FHIT: variants seen among roughly 807,000 people sequenced by gnomAD.
FHIT encodes the protein fragile histidine triad diadenosine triphosphatase.
A neutral mutation model predicts 17.9 loss-of-function variants in FHIT; 19 were observed. The ratio of observed to expected loss-of-function variants is 1.06; its 90% CI spans 0.74 to 1.56. The LOEUF is 1.56. Among genes scored for constraint, FHIT ranks in the 40% most tolerant of loss-of-function variants. The pLI, the probability that FHIT is intolerant of heterozygous loss-of-function variation, is 0.00. For synonymous variants in FHIT, 81 were observed against 69.7 expected (o/e 1.16, Z -0.81); for missense variants, 248 against 189.2 (o/e 1.31, Z -1.82).
intron 8 of FHIT, among the ~76,000 whole-genome samples, chr3:59,870,150 T>A (rs1385974649): frequency 6.6e-6 from 1 of 152,160 alleles, no homozygotes; most frequent in African/African-American, 2.4e-5. Flanking sequence ...CACTACCAAA[T>A]GCCTTCTCCT....
intron 4 of FHIT, among the ~76,000 whole-genome samples, chr3:60,592,538 G>C (rs991372967): frequency 1.3e-5 from 2 of 152,066 alleles, no homozygotes; most frequent in African/African-American, 4.8e-5. Context: ...CCACCTCTGT[G>C]ATGGTTCTTA....
intron 3 of FHIT, among the ~76,000 whole-genome samples, chr3:61,006,134 C>T (rs914747569): frequency 5.9e-5 from 9 of 152,018 alleles, no homozygotes; most frequent in African/African-American, 9.7e-5. Flanking sequence ...GGTAAACATG[C>T]TGATGGCAAA....
intron 3 of FHIT, among the ~76,000 whole-genome samples, chr3:60,921,912 A>C (rs1252146677): frequency 6.6e-6 from 1 of 152,208 alleles, no homozygotes; most frequent in African/African-American, 2.4e-5. Flanking sequence ...TAGTAATTTA[A>C]TAATGTAGTC....
chr3:59,767,044 AAAC>A (rs1398107927), intron 8 of FHIT, among the ~76,000 whole-genome samples: 4 of 152,196 alleles, frequency 2.6e-5, no homozygotes, highest in African/African-American at 7.2e-5. Context: ...CCCAGATGCA[AAAC>A]AACCCCGATT....
chr3:60,909,282 T>C (rs924141423), intron 3 of FHIT, among the ~76,000 whole-genome samples: 1 of 150,378 alleles, frequency 6.6e-6, no homozygotes, highest in Non-Finnish European at 1.5e-5. Context: ...GGCAGGAGAA[T>C]CGCTTGAACC....
intron 5 of FHIT, among the ~76,000 whole-genome samples, chr3:60,233,363 C>T (rs1264420849): frequency 6.6e-6 from 1 of 152,092 alleles, no homozygotes; most frequent in African/African-American, 2.4e-5. Flanking sequence ...CCTTTGCCAC[C>T]ATAGGACCTT....
At chr3:59,782,639 G>A (rs911708173) in intron 8 of FHIT, among the ~76,000 whole-genome samples, 1 of 152,056 alleles carries the variant, frequency 6.6e-6, no homozygotes, top group African/African-American at 2.4e-5. Context: ...ATTCAGTTTC[G>A]TCCATTCTAT....
intron 8 of FHIT, among the ~76,000 whole-genome samples, chr3:59,850,316 A>T (rs536531770): frequency 1.3e-5 from 2 of 152,320 alleles, no homozygotes; most frequent in South Asian, 4.1e-4. Context: ...CTTTACCAAC[A>T]TCTACTTTAA....
chr3:60,361,443 G>A (rs1466226010), intron 5 of FHIT, among the ~76,000 whole-genome samples: 1 of 152,168 alleles, frequency 6.6e-6, no homozygotes, highest in Non-Finnish European at 1.5e-5. Flanking sequence ...ACCAACTGTA[G>A]AGGAGGTTGA....
chr3:60,709,905 G>T (rs1735464), intron 4 of FHIT, among the ~76,000 whole-genome samples: 145,873 of 152,156 alleles, frequency 0.96, 70,009 homozygotes, highest in East Asian at 1. Flanking sequence ...CATAATTATA[G>T]TTTGTCTTTC....
intron 2 of FHIT, among the ~76,000 whole-genome samples, chr3:61,086,380 TA>T (rs1175052691): frequency 6.6e-6 from 1 of 152,186 alleles, no homozygotes; most frequent in Non-Finnish European, 1.5e-5. Flanking sequence ...AACATTACCT[TA>T]CCACTCATAT....
intron 3 of FHIT, among the ~76,000 whole-genome samples, chr3:60,990,726 A>G (rs1157794384): frequency 1.3e-5 from 2 of 152,242 alleles, no homozygotes; most frequent in African/African-American, 4.8e-5. Context: ...TCTTCCACAC[A>G]TAAAATTAAT....
intron 2 of FHIT, among the ~76,000 whole-genome samples, chr3:61,198,913 T>C (rs968801437): frequency 2.0e-5 from 3 of 149,860 alleles, no homozygotes; most frequent in Non-Finnish European, 2.9e-5. Context: ...ATGATGATGA[T>C]GATGATGATG....
intron 4 of FHIT, among the ~76,000 whole-genome samples, chr3:60,569,321 T>G (rs1042687833): frequency 7.9e-5 from 12 of 152,166 alleles, no homozygotes; most frequent in African/African-American, 2.7e-4. Flanking sequence ...GACACTGGCG[T>G]GGTTTATTTC....
intron 3 of FHIT, among the ~76,000 whole-genome samples, chr3:60,856,169 A>T (rs181153112): frequency 1.1e-4 from 17 of 152,266 alleles, no homozygotes; most frequent in Non-Finnish European, 2.5e-4. Context: ...ATGGTAATGC[A>T]TTCGAGGCAG....
At chr3:61,041,374 T>TA (rs779424724) in intron 3 of FHIT, among the ~76,000 whole-genome samples, 186 of 138,740 alleles carry the variant, frequency 1.3e-3, no homozygotes, top group South Asian at 6.3e-3. Context: ...TGGCTCCATC[T>TA]AAAAAAAAAA....
chr3:60,944,685 G>A (rs7356063), intron 3 of FHIT, among the ~76,000 whole-genome samples: 38,612 of 151,934 alleles, frequency 0.25, 5,027 homozygotes, highest in Middle Eastern at 0.32. Context: ...TAAATGATGC[G>A]TTTATATCAA....
rs570276451 is a variant in FHIT, at chr3:60,002,918, C to T, written c.279+8453G>A. 3.9e-5 allele frequency among the ~76,000 whole-genome samples: 6 copies of T among 152,068 alleles called. No individual in the cohort carries two copies. In the South Asian group the frequency reaches 1.3e-3, roughly 32 times the overall value. ...AATTGCAGTTGATATTCTGGGTAAC[C>T]ATCAGAATCAACTGTGGACCTTTCA... On this transcript the variant is annotated intron_variant, in intron 7 of 9. Transcript: ENST00000492590.
chr3:60,379,655 C>T (rs146931966), intron 5 of FHIT, among the ~76,000 whole-genome samples: 1 of 152,182 alleles, frequency 6.6e-6, no homozygotes, highest in African/African-American at 2.4e-5. Flanking sequence ...CATTAGGGCA[C>T]AGTTTTGTAT....
Sources: gnomAD v4.1 joint callset for allele counts (sites outside exome capture counted in the v4.1 genomes callset) on GRCh38, gnomAD v4.1.1 for gene constraint, MANE v1.5 for transcripts, NCBI Gene and HGNC (gene_info 2026-07-23, HGNC 2026-07-21) for gene names.